Variants in M1AP observed in about 807,000 individuals in gnomAD.
M1AP encodes meiosis 1 associated protein.
Under a neutral mutation model 51.2 loss-of-function variants are expected in M1AP, and 39 were observed. The observed-to-expected ratio is 0.76, with a 90% CI of 0.59 to 1.00. The LOEUF is 1.00. M1AP is among the 50% of genes least tolerant of loss of function. The pLI is 0.00. For missense variants in M1AP, 545 were observed against 641.2 expected, an observed-to-expected ratio of 0.85 and a Z score of 1.62; for synonymous variants, 251 against 249.2, an observed-to-expected ratio of 1.01 and a Z score of -0.07.
intron 4 of M1AP, among the ~76,000 whole-genome samples, chr2:74,593,971 G>A (rs1229524316): frequency 6.6e-6 from 1 of 152,160 alleles, no homozygotes; most frequent in Non-Finnish European, 1.5e-5. Flanking sequence ...CAGAGCCGGA[G>A]CGCCCTAAAT....
intron 7 of M1AP, among the ~76,000 whole-genome samples, chr2:74,565,705 T>G (rs189655763): frequency 6.6e-6 from 1 of 151,964 alleles, no homozygotes; most frequent in Non-Finnish European, 1.5e-5. Context: ...GGCACGTGCC[T>G]GTAGTCCCAG....
At chr2:74,594,502 T>C in intron 4 of M1AP, among the ~76,000 whole-genome samples, 1 of 152,076 alleles carries the variant, frequency 6.6e-6, no homozygotes, top group Non-Finnish European at 1.5e-5. Flanking sequence ...ATTGAAGTCC[T>C]AGAAAGATAG....
chr2:74,599,738 T>C (rs1423708830), intron 4 of M1AP, among the ~76,000 whole-genome samples: 4 of 152,092 alleles, frequency 2.6e-5, no homozygotes, highest in Admixed American at 6.5e-5. Flanking sequence ...ATACATATAT[T>C]CTAGAATATA....
chr2:74,638,657 T>A (rs1431076133), intron 2 of M1AP, among the ~76,000 whole-genome samples: 1 of 152,170 alleles, frequency 6.6e-6, no homozygotes, highest in Non-Finnish European at 1.5e-5. Context: ...GAGATCCAAG[T>A]GGTCAGGAAA....
intron 6 of M1AP, 58 bp downstream of exon 6, chr2:74,576,398 C>T: frequency 6.4e-7 from 1 of 1,571,996 alleles, no homozygotes; most frequent in Non-Finnish European, 8.7e-7. Flanking sequence ...GAGTTCCTAG[C>T]CACAGAACCA....
intron 1 of M1AP, among the ~76,000 whole-genome samples, chr2:74,646,304 A>G (rs967520780): frequency 2.0e-5 from 3 of 152,238 alleles, no homozygotes; most frequent in African/African-American, 7.2e-5. Flanking sequence ...ATAAAAAATG[A>G]TAATGCCAGG....
chr2:74,581,894 G>A (rs1679430385), intron 4 of M1AP, 47 bp from the exon 5 acceptor site: 1 of 1,541,976 alleles, frequency 6.5e-7, no homozygotes, highest in Admixed American at 1.9e-5. Flanking sequence ...TGTAAATTTT[G>A]AGTAATATAA....
At chr2:74,605,303 G>A (rs1402366403) in intron 4 of M1AP, among the ~76,000 whole-genome samples, 1 of 152,170 alleles carries the variant, frequency 6.6e-6, no homozygotes, top group Non-Finnish European at 1.5e-5. Context: ...TACATAATTT[G>A]TGGGCTCAGA....
rs1008736046 is a variant in M1AP at position 74,607,148 on chromosome 2, C to T, written c.502G>A (p.Ala168Thr). The change falls in exon 4 of 11, where the codon GCC becomes ACC. Residue 168 changes from alanine (A) to threonine (T), a missense_variant. Transcript: ENST00000421985. ...LEEGLKDTDL[A>T]RVRRFQVVEV... The stretch of plus-strand genomic sequence containing the variant: ...ACGACCTGAAACCTCCTGACTCTGG[C>T]TAGGTCTGTATCTTTCAACCCTTCC... 5.0e-6 allele frequency: 8 copies of T among 1,614,070 alleles called. No homozygotes were observed. The Admixed American group carries it at 8.3e-5, about 17-fold the overall frequency.
intron 5 of M1AP, among the ~76,000 whole-genome samples, chr2:74,577,113 G>A (rs761611164): frequency 3.3e-5 from 5 of 152,222 alleles, no homozygotes; most frequent in Non-Finnish European, 5.9e-5. Flanking sequence ...AAGTCAGGCA[G>A]TCAGATGACT....
chr2:74,625,689 G>C (rs761110597), intron 2 of M1AP, among the ~76,000 whole-genome samples: 7 of 152,288 alleles, frequency 4.6e-5, no homozygotes, highest in Non-Finnish European at 8.8e-5. Flanking sequence ...GTCAGCTGTG[G>C]GGTATAGGGA....
At chr2:74,643,189 C>T (rs1349097064) in intron 1 of M1AP, among the ~76,000 whole-genome samples, 3 of 151,846 alleles carry the variant, frequency 2.0e-5, no homozygotes, top group South Asian at 2.1e-4. Context: ...AGCCAAAAGA[C>T]TATTAATAAC....
Position 74,589,879 on chromosome 2 carries a change from A to G in M1AP, c.596-8032T>C, listed in dbSNP as rs577081070. 9.9e-4 allele frequency among the ~76,000 whole-genome samples: 151 copies of G among 152,354 alleles called. 2 individuals are homozygous for G. Among genetic ancestry groups the G allele is most frequent in the African/African-American group, 3.5e-3 (147 of 41,590 alleles). On this transcript the variant is annotated intron_variant, in intron 4 of 10. Coordinates refer to ENST00000421985, the MANE Select transcript of M1AP (RefSeq NM_001321739.2). ...GGATGATTTATATTATGGGTGTCCA[A>G]TCTTTTGGCTTCCCTGGGCCACATT...
In M1AP at chr2:74,561,070, G is replaced by GAGGAGGAGGAGA. The variant is rs1558643475; in HGVS notation, c.1282-780_1282-779insTCTCCTCCTCCT. On this transcript the variant is annotated intron_variant, in intron 8 of 10. Coordinates refer to ENST00000421985, the MANE Select transcript of M1AP (RefSeq NM_001321739.2). Reference sequence around the variant, plus strand: ...AACAGGTGGAGGAGGAGGGGAGGAGGAGGAGGAGGAGGAGGAGGAGAAGGA... The same window carrying GAGGAGGAGGAGA: ...AACAGGTGGAGGAGGAGGGGAGGAGGAGGAGGAGGAGAAGGAGGAGGAGGAGGAGGAGAAGGA... Among the ~76,000 whole-genome samples, 3 of 103,536 alleles carry GAGGAGGAGGAGA rather than the reference G, an allele frequency of 2.9e-5. 1 individual carries two copies. Among genetic ancestry groups the GAGGAGGAGGAGA allele is most frequent in the African/African-American group, 1.2e-4 (3 of 25,038 alleles). 67.9% of individuals were successfully genotyped at this position (103,536 alleles called of 152,430 possible).
At chr2:74,587,604 T>C (rs145685711) in intron 4 of M1AP, among the ~76,000 whole-genome samples, 4 of 152,342 alleles carry the variant, frequency 2.6e-5, no homozygotes, top group Non-Finnish European at 5.9e-5. Context: ...TCTTCACAAA[T>C]ACGACTAAAT....
intron 5 of M1AP, chr2:74,577,002 G>T: frequency 3.0e-6 from 2 of 676,072 alleles, no homozygotes; most frequent in Non-Finnish European, 1.9e-6. Flanking sequence ...AATATGCAGA[G>T]GCCCTTTGGC....
intron 3 of M1AP, among the ~76,000 whole-genome samples, chr2:74,609,471 C>T (rs1378080376): frequency 6.6e-6 from 1 of 152,240 alleles, no homozygotes; most frequent in African/African-American, 2.4e-5. Flanking sequence ...GATAGACACT[C>T]AGGTTGATTC....
intron 5 of M1AP, among the ~76,000 whole-genome samples, chr2:74,579,620 T>C (rs1165491716): frequency 6.6e-6 from 1 of 152,142 alleles, no homozygotes; most frequent in Non-Finnish European, 1.5e-5. Flanking sequence ...AGACACATTT[T>C]TTTTCATCTC....
intron 2 of M1AP, among the ~76,000 whole-genome samples, chr2:74,629,555 AG>A (rs1248402468): frequency 6.6e-6 from 1 of 152,186 alleles, no homozygotes; most frequent in African/African-American, 2.4e-5. Context: ...GTTTGAGACC[AG>A]CCTGGCCAAG....
Sources: allele counts gnomAD v4.1 joint callset (sites outside exome capture counted in the v4.1 genomes callset), GRCh38; gene constraint gnomAD v4.1.1; transcripts MANE v1.5; gene names NCBI Gene and HGNC (gene_info 2026-07-23, HGNC 2026-07-21).